Variants in ANO3 observed in about 807,000 individuals in gnomAD.
ANO3 encodes the protein anoctamin-3.
In ANO3, 99 loss-of-function variants were observed where a neutral mutation model predicts 144.8. That is an observed-to-expected ratio of 0.68 (90% CI 0.58 to 0.81). The LOEUF (loss-of-function observed/expected upper bound fraction) is 0.81, where lower values mean the gene tolerates loss of function less well. ANO3 is among the 30% of genes least tolerant of loss of function. ANO3 has a pLI of 0.00. For synonymous variants in ANO3, 414 were observed against 392.6 expected (o/e 1.05, Z -0.64); for missense variants, 905 against 1,202.2 (o/e 0.75, Z 3.66).
At position 26,660,339 on chromosome 11, in the gene ANO3, A is replaced by G. The variant is rs766590446; in HGVS notation, c.2841A>G (p.Arg947=). 1 of 1,613,652 alleles carries G rather than the reference A, an allele frequency of 6.2e-7. No homozygotes were observed. Among genetic ancestry groups the G allele is most frequent in the Admixed American group, 1.7e-5 (1 of 59,962 alleles). Residue 947 remains arginine, a synonymous_variant, in exon 27 of 27, where the codon CGA becomes CGG. Coordinates refer to ENST00000256737, the MANE Select transcript of ANO3 (RefSeq NM_031418.4). ...CAAAGGGTCTACATGACCGAATACG[A>G]CGAGAGAAGTACTTAGTTCAAGAAA... ...DVPKGLHDRI[R]REKYLVQEMM... is the part of the protein sequence containing the mutation.
chr11:26,416,332 G>A (rs1026050187), intron 1 of ANO3, among the ~76,000 whole-genome samples: 3 of 151,990 alleles, frequency 2.0e-5, no homozygotes, highest in African/African-American at 4.8e-5. Context: ...TATTTTCAAG[G>A]CTTAATATGG....
chr11:26,219,336 CAA>C (rs1852096658), intron 1 of ANO3, among the ~76,000 whole-genome samples: 1 of 152,118 alleles, frequency 6.6e-6, no homozygotes, highest in Non-Finnish European at 1.5e-5. Context: ...GGAAGAACTT[CAA>C]AGAGTTATAC....
chr11:26,505,359 C>G (rs980398934), intron 4 of ANO3, among the ~76,000 whole-genome samples: 1 of 152,122 alleles, frequency 6.6e-6, no homozygotes, highest in Non-Finnish European at 1.5e-5. Flanking sequence ...GGACAATTAA[C>G]TTTGAGATGT....
Position 26,409,434 on chromosome 11 carries a change from C to T in ANO3, c.47-32484C>T, listed in dbSNP as rs140647070. On this transcript the variant is annotated intron_variant, in intron 1 of 26. Transcript: ENST00000256737. ...ATGCTTTAGGGCTGGTGTCAGCTGA[C>T]ATGGCCCTGAAGAATGCACATGAAA... Among the ~76,000 whole-genome samples, 904 of 137,780 alleles carry T rather than the reference C, an allele frequency of 6.6e-3. 5 individuals carry two copies. Among genetic ancestry groups the T allele is most frequent in the African/African-American group, 0.022 (832 of 37,160 alleles). The allele number at this position is 137,780 out of a possible 152,430, so 90.4% of individuals were successfully genotyped here. A position where few individuals can be genotyped will look rare whatever the true frequency, so the allele number is the denominator to read the frequency against.
chr11:26,611,859 A>ATT (rs71449124), intron 17 of ANO3, among the ~76,000 whole-genome samples: 1 of 151,192 alleles, frequency 6.6e-6, no homozygotes, highest in Non-Finnish European at 1.5e-5. Context: ...TCATTATATA[A>ATT]TTTTTTTTTG....
At chr11:26,401,361 G>A (rs557171193) in intron 1 of ANO3, among the ~76,000 whole-genome samples, 13 of 152,106 alleles carry the variant, frequency 8.5e-5, no homozygotes, top group African/African-American at 2.9e-4. Flanking sequence ...CATGAGATGA[G>A]CAACTGTGAG....
At chr11:26,509,320 C>T (rs187140389) in intron 5 of ANO3, among the ~76,000 whole-genome samples, 3,200 of 150,738 alleles carry the variant, frequency 0.021, 57 homozygotes, top group Non-Finnish European at 0.035. Flanking sequence ...TACTTTTTTT[C>T]TTTTTTTTTC....
At chr11:26,500,827 TATA>T (rs1190391168) in intron 4 of ANO3, among the ~76,000 whole-genome samples, 1 of 151,844 alleles carries the variant, frequency 6.6e-6, no homozygotes, top group Non-Finnish European at 1.5e-5. Flanking sequence ...TTTTGCTCTT[TATA>T]ATAAGTAGGG....
intron 1 of ANO3, among the ~76,000 whole-genome samples, chr11:26,366,311 A>G (rs953066935): frequency 1.3e-5 from 2 of 152,168 alleles, no homozygotes; most frequent in African/African-American, 4.8e-5. Context: ...ATGTCCCTAC[A>G]AAGGACATGA....
At chr11:26,350,458 A>C (rs1296563447) in intron 1 of ANO3, among the ~76,000 whole-genome samples, 1 of 152,182 alleles carries the variant, frequency 6.6e-6, no homozygotes, top group Non-Finnish European at 1.5e-5. Flanking sequence ...AAGTTGAAAA[A>C]CTTTGAAATT....
chr11:26,435,353 T>A (rs1858256662), intron 1 of ANO3, among the ~76,000 whole-genome samples: 1 of 152,200 alleles, frequency 6.6e-6, no homozygotes, highest in Non-Finnish European at 1.5e-5. Context: ...CCTTTAACAT[T>A]CTTTCATTTC....
chr11:26,314,410 C>G (rs538231080), intron 1 of ANO3, among the ~76,000 whole-genome samples: 2 of 152,220 alleles, frequency 1.3e-5, no homozygotes, highest in East Asian at 3.9e-4. Flanking sequence ...GCTTAGCATA[C>G]TAAAAATCTC....
intron 1 of ANO3, among the ~76,000 whole-genome samples, chr11:26,264,898 G>A (rs1293875276): frequency 1.3e-5 from 2 of 151,670 alleles, no homozygotes; most frequent in African/African-American, 4.8e-5. Context: ...ATATTTTGAG[G>A]ACTTCAACAT....
At chr11:26,310,629 C>A (rs1376172956) in intron 1 of ANO3, among the ~76,000 whole-genome samples, 1 of 152,200 alleles carries the variant, frequency 6.6e-6, no homozygotes, top group Non-Finnish European at 1.5e-5. Context: ...GTTTTCTAGT[C>A]TGCACCCATG....
At chr11:26,332,405 C>A in intron 1 of ANO3, 84 bp downstream of exon 1, 8 of 1,309,060 alleles carry the variant, frequency 6.1e-6, no homozygotes, top group Middle Eastern at 1.9e-4. Context: ...GCATCCTTTG[C>A]AGGCTTATGC....
At chr11:26,320,231 T>C (rs1854725683) in intron 1 of ANO3, among the ~76,000 whole-genome samples, 1 of 152,230 alleles carries the variant, frequency 6.6e-6, no homozygotes, top group Admixed American at 6.5e-5. Flanking sequence ...ATGTTGTTAG[T>C]ATTATTCTCT....
At position 26,663,197 on chromosome 11, in the gene ANO3, C is replaced by A. The variant is rs894926096; in HGVS notation, c.*2753C>A. 6.6e-6 allele frequency: 1 copy of A among 152,018 alleles called. No homozygotes were observed. The highest frequency in any genetic ancestry group is 1.5e-5 in the Non-Finnish European group (1 of 67,980). 9.4% of individuals were successfully genotyped at this position (152,018 alleles called of 1,614,324 possible). On this transcript the variant is annotated 3_prime_UTR_variant, in exon 27 of 27. Transcript: ENST00000256737. ...GATGAGATACAACTTCTGAATGCTG[C>A]ACATTCTTCCAAAATGATCCTTAGC...
At chr11:26,525,306 T>C (rs947950036) in intron 6 of ANO3, among the ~76,000 whole-genome samples, 1 of 152,038 alleles carries the variant, frequency 6.6e-6, no homozygotes, top group African/African-American at 2.4e-5. Flanking sequence ...GATGGCCTTA[T>C]ATAATATGTA....
intron 14 of ANO3, among the ~76,000 whole-genome samples, chr11:26,589,300 C>T (rs1480996977): frequency 7.2e-6 from 1 of 139,810 alleles, no homozygotes; most frequent in Non-Finnish European, 1.7e-5. Context: ...TTGTAAATGT[C>T]ATAAAAGGTA....
Sources: gnomAD v4.1 joint callset for allele counts (sites outside exome capture counted in the v4.1 genomes callset) on GRCh38, gnomAD v4.1.1 for gene constraint, MANE v1.5 for transcripts, NCBI Gene and HGNC (gene_info 2026-07-23, HGNC 2026-07-21) for gene names.